Variants in QPCT observed in about 807,000 individuals in gnomAD.
The protein encoded by QPCT is glutaminyl-peptide cyclotransferase.
In QPCT, 44 loss-of-function variants were observed where a neutral mutation model predicts 43.4. The observed-to-expected ratio is 1.01, with a 90% CI of 0.80 to 1.30. The LOEUF is 1.30. Among genes scored for constraint, QPCT ranks in the 50% most tolerant of loss-of-function variants. The pLI, the probability that QPCT is intolerant of heterozygous loss-of-function variation, is 0.00. For missense variants in QPCT, 526 were observed against 436.5 expected (o/e 1.21, Z -1.83); for synonymous variants, 168 against 168.4 (o/e 1.00, Z 0.02).
At chr2:37,347,453 C>G (rs1276240540) in intron 1 of QPCT, among the ~76,000 whole-genome samples, 1 of 151,416 alleles carries the variant, frequency 6.6e-6, no homozygotes, top group Admixed American at 6.6e-5. Flanking sequence ...GTACCCGGAA[C>G]AGTGCCCAGG....
intron 2 of QPCT, among the ~76,000 whole-genome samples, chr2:37,355,544 G>A (rs1672724515): frequency 6.6e-6 from 1 of 152,148 alleles, no homozygotes; most frequent in African/African-American, 2.4e-5. Flanking sequence ...GTAGTTACCA[G>A]TAAAGATGTG....
intron 1 of QPCT, among the ~76,000 whole-genome samples, chr2:37,348,061 CGCGTGT>C (rs1672542443): frequency 9.0e-6 from 1 of 111,002 alleles, no homozygotes; most frequent in Non-Finnish European, 1.9e-5. Flanking sequence ...TGCGCGCGCA[CGCGTGT>C]GTGTGTGTGT....
rs372162510 is a variant in QPCT at position 37,367,377 on chromosome 2, G to C, written c.692G>C (p.Gly231Ala). ...AKMASTPHPP[G>A]ARGTSQLHGM... ...ATGGCATCGACCCCGCACCCACCTG[G>C]AGCGAGAGGCACCAGCCAACTGCAT... Residue 231 changes from glycine (G) to alanine (A), a missense_variant, in exon 4 of 7, where the codon GGA (glycine) becomes GCA (alanine). By Grantham distance (60) the Gly-to-Ala change is moderately conservative (BLOSUM62 0). Coordinates refer to ENST00000338415, the MANE Select transcript of QPCT (RefSeq NM_012413.4). 7.4e-5 allele frequency: 120 copies of C among 1,613,692 alleles called. No individual in the cohort carries two copies. Among genetic ancestry groups the C allele is most frequent in the Non-Finnish European group, 9.7e-5 (114 of 1,179,868 alleles).
chr2:37,363,681 T>C (rs1019015656), intron 3 of QPCT, among the ~76,000 whole-genome samples: 1 of 115,284 alleles, frequency 8.7e-6, no homozygotes, highest in Non-Finnish European at 1.9e-5. Context: ...AAAAAAAAAA[T>C]AGAAAGCAAA....
Position 37,359,635 on chromosome 2 carries a change from C to A in QPCT, c.323C>A (p.Thr108Asn), listed in dbSNP as rs143642421. ...GCTGACTGGGTCTTGGAAATAGACA[C>A]CTTCTTGAGTCAGACACCCTATGGG... ...LQADWVLEID[T>N]FLSQTPYGYR... Residue 108 changes from threonine to asparagine, a missense_variant, in exon 3 of 7, where the codon ACC (threonine) becomes AAC (asparagine). Thr to Asn is a moderately conservative substitution (Grantham distance 65). Coordinates refer to ENST00000338415, the MANE Select transcript of QPCT (RefSeq NM_012413.4). 25 of 1,614,008 alleles carry A rather than the reference C, an allele frequency of 1.5e-5. 1 individual carries two copies. The African/African-American group carries it at 2.4e-4, about 16-fold the overall frequency.
At chr2:37,371,431 CAAAAAAAA>C (rs3050580) in intron 5 of QPCT, among the ~76,000 whole-genome samples, 5 of 69,368 alleles carry the variant, frequency 7.2e-5, no homozygotes, top group East Asian at 4.4e-4. Flanking sequence ...GACTCCATCT[CAAAAAAAA>C]AAAAAAAAAA....
At chr2:37,363,794 T>C (rs1368209852) in intron 3 of QPCT, among the ~76,000 whole-genome samples, 1 of 151,926 alleles carries the variant, frequency 6.6e-6, no homozygotes, top group Non-Finnish European at 1.5e-5. Flanking sequence ...AGACATTATA[T>C]CTATGAAACA....
Position 37,344,820 on chromosome 2 carries a change from G to A in QPCT, c.89G>A (p.Ser30Asn), listed in dbSNP as rs1157503879. Residue 30 changes from serine (S) to asparagine (N), a missense_variant, in exon 1 of 7, where the codon AGT (serine) becomes AAT (asparagine). Physicochemically the swap from Ser to Asn is conservative, Grantham distance 46 (BLOSUM62 1). Coordinates refer to ENST00000338415, the MANE Select transcript of QPCT (RefSeq NM_012413.4). ...CTGCCCTGGGCATCCAGGGGGGTCA[G>A]TCCGAGTGCCTCAGCCTGGCCAGAG... is the stretch of plus-strand genomic sequence containing the variant. ...AALPWASRGV[S>N]PSASAWPEEK... 6.8e-6 allele frequency: 11 copies of A among 1,607,106 alleles called. No individual in the cohort carries two copies. The highest frequency in any genetic ancestry group is 1.3e-5 in the African/African-American group (1 of 74,616).
chr2:37,368,259 A>G (rs1475948867), intron 4 of QPCT: 2 of 240,484 alleles, frequency 8.3e-6, no homozygotes, highest in African/African-American at 2.3e-5. Context: ...TAATGAGTGC[A>G]ACACACAGCC....
chr2:37,361,991 T>A (rs748153834), intron 3 of QPCT, among the ~76,000 whole-genome samples: 1 of 152,168 alleles, frequency 6.6e-6, no homozygotes, highest in Non-Finnish European at 1.5e-5. Context: ...ATTCCTGAAA[T>A]GAAGCAAAAA....
chr2:37,370,960 C>G (rs977374323), intron 5 of QPCT, among the ~76,000 whole-genome samples: 4 of 152,160 alleles, frequency 2.6e-5, no homozygotes, highest in Non-Finnish European at 5.9e-5. Context: ...GCCACACAAA[C>G]TTCTTGGAGC....
intron 1 of QPCT, among the ~76,000 whole-genome samples, chr2:37,346,452 C>G (rs1038187627): frequency 6.6e-6 from 1 of 152,130 alleles, no homozygotes; most frequent in African/African-American, 2.4e-5. Context: ...TGTGATACAT[C>G]TAAATGGAAG....
At chr2:37,358,108 G>GAAAAAAAAAAAAA (rs553371602) in intron 2 of QPCT, among the ~76,000 whole-genome samples, 1 of 109,970 alleles carries the variant, frequency 9.1e-6, no homozygotes. Context: ...TATGATACTT[G>GAAAAAAAAAAAAA]AAAAAAAAAA....
intron 1 of QPCT, among the ~76,000 whole-genome samples, chr2:37,346,597 T>C (rs1234839433): frequency 6.6e-6 from 1 of 152,234 alleles, no homozygotes; most frequent in Non-Finnish European, 1.5e-5. Context: ...AATTTAACTT[T>C]TGAGAAACGT....
chr2:37,352,736 C>G (rs1362718154), intron 1 of QPCT, 53 bp from the exon 2 acceptor site: 3 of 1,590,074 alleles, frequency 1.9e-6, no homozygotes, highest in Admixed American at 3.4e-5. Flanking sequence ...ATGTCAGAGT[C>G]TTAAACATGT....
At chr2:37,356,501 C>T (rs139647299) in intron 2 of QPCT, among the ~76,000 whole-genome samples, 3 of 152,302 alleles carry the variant, frequency 2.0e-5, no homozygotes, top group Admixed American at 6.5e-5. Flanking sequence ...GCCACAGCCA[C>T]GCACTCCCTG....
At chr2:37,345,163 G>A (rs892497672) in intron 1 of QPCT, among the ~76,000 whole-genome samples, 1 of 152,186 alleles carries the variant, frequency 6.6e-6, no homozygotes, top group African/African-American at 2.4e-5. Context: ...TGCTGAGCCG[G>A]GAGGCGAGGG....
At chr2:37,366,549 T>G (rs543493075) in intron 3 of QPCT, among the ~76,000 whole-genome samples, 1 of 152,348 alleles carries the variant, frequency 6.6e-6, no homozygotes, top group Non-Finnish European at 1.5e-5. Context: ...AAATTGAAGA[T>G]GTAAATAAGG....
chr2:37,354,760 GC>G (rs1367672768), intron 2 of QPCT, among the ~76,000 whole-genome samples: 1 of 152,110 alleles, frequency 6.6e-6, no homozygotes, highest in East Asian at 1.9e-4. Flanking sequence ...TTTTCCAAAA[GC>G]CTCAGTTCCT....
Sources: gnomAD v4.1 joint callset for allele counts (sites outside exome capture counted in the v4.1 genomes callset) on GRCh38, gnomAD v4.1.1 for gene constraint, MANE v1.5 for transcripts, NCBI Gene and HGNC (gene_info 2026-07-23, HGNC 2026-07-21) for gene names.